MAPK4: variants seen among roughly 807,000 people sequenced by gnomAD.
MAPK4 encodes Erk3-related.
MAPK4 carries 22 observed loss-of-function variants against 47.7 expected under a neutral mutation model. The ratio of observed to expected loss-of-function variants is 0.46; its 90% CI spans 0.33 to 0.66. The LOEUF is 0.66. Among genes scored for constraint, MAPK4 ranks in the 30% least tolerant of loss-of-function variants. MAPK4 has a pLI of 0.02. For synonymous variants in MAPK4, 390 were observed against 365.7 expected, an observed-to-expected ratio of 1.07 and a Z score of -0.76; for missense variants, 736 against 831.7, an observed-to-expected ratio of 0.88 and a Z score of 1.42.
At position 50,687,994 on chromosome 18, in the gene MAPK4, A is replaced by G. The variant is rs572071199; in HGVS notation, c.546+23490A>G. ...CTGGGTACTGAGAACAGATGACTAA[A>G]CCCATTCCCTGCCCTCGGGGTCAGG... On this transcript the variant is annotated intron_variant, in intron 2 of 5. Transcript: ENST00000400384. Among the ~76,000 whole-genome samples, 4 of 151,950 alleles carry G rather than the reference A, an allele frequency of 2.6e-5. No individual in the cohort carries two copies. In the South Asian group the frequency reaches 8.3e-4, roughly 32 times the overall value.
intron 2 of MAPK4, among the ~76,000 whole-genome samples, chr18:50,675,610 G>C (rs1292570770): frequency 6.6e-6 from 1 of 152,198 alleles, no homozygotes. Context: ...TCCTGCCTCA[G>C]CTTCCCAAGT....
intron 2 of MAPK4, among the ~76,000 whole-genome samples, chr18:50,697,012 C>CA (rs1909550323): frequency 1.3e-5 from 2 of 152,018 alleles, no homozygotes; most frequent in South Asian, 4.2e-4. Flanking sequence ...GTGGCCAGAC[C>CA]AGCAGCATCA....
At chr18:50,641,790 A>G (rs761554495) in intron 1 of MAPK4, among the ~76,000 whole-genome samples, 2 of 152,224 alleles carry the variant, frequency 1.3e-5, no homozygotes, top group Non-Finnish European at 2.9e-5. Context: ...CAATGTTCTC[A>G]TTGTCTTTAT....
chr18:50,726,574 A>G (rs924865356), intron 5 of MAPK4, among the ~76,000 whole-genome samples: 1 of 152,164 alleles, frequency 6.6e-6, no homozygotes, highest in African/African-American at 2.4e-5. Context: ...ACAAAACGCT[A>G]TCTCATGTTT....
intron 1 of MAPK4, among the ~76,000 whole-genome samples, chr18:50,607,679 A>ATGTACCCATGTATT (rs1044301415): frequency 6.6e-6 from 1 of 152,226 alleles, no homozygotes; most frequent in African/African-American, 2.4e-5. Context: ...ACTCTCAGTC[A>ATGTACCCATGTATT]TGTACCCATG....
intron 1 of MAPK4, among the ~76,000 whole-genome samples, chr18:50,584,577 C>T (rs908180707): frequency 1.3e-5 from 2 of 152,142 alleles, no homozygotes; most frequent in African/African-American, 4.8e-5. Context: ...AGACTGTGTC[C>T]CCAACTCTTG....
intron 1 of MAPK4, among the ~76,000 whole-genome samples, chr18:50,614,649 T>A (rs2042668198): frequency 6.6e-6 from 1 of 152,176 alleles, no homozygotes; most frequent in Non-Finnish European, 1.5e-5. Context: ...AATTAAAAAT[T>A]TTAAAAAATC....
chr18:50,688,616 C>G (rs1909019049), intron 2 of MAPK4, among the ~76,000 whole-genome samples: 1 of 152,110 alleles, frequency 6.6e-6, no homozygotes, highest in Non-Finnish European at 1.5e-5. Context: ...GACTATTATT[C>G]TAAGTGAAGT....
At position 50,729,747 on chromosome 18, in the gene MAPK4, C is replaced by G. The variant is rs1727764088; in HGVS notation, c.1657C>G (p.Pro553Ala). ...ISRALKLCTKPEDLPDNKLGD... is the reference protein window; with the variant it reads ...ISRALKLCTKAEDLPDNKLGD... ...CCGCGCCCTGAAGCTCTGCACCAAG[C>G]CCGAGGACCTGCCGGACAATAAACT... The change falls in exon 6 of 6, where the codon CCC (proline) becomes GCC (alanine). Residue 553 changes from proline (P) to alanine (A), a missense_variant. Coordinates refer to ENST00000400384, the MANE Select transcript of MAPK4 (RefSeq NM_002747.4). The G allele has an allele frequency of 6.2e-7, 1 of 1,605,746 alleles. No individual in the cohort carries two copies. Among genetic ancestry groups the G allele is most frequent in the Admixed American group, 1.7e-5 (1 of 58,880 alleles).
At chr18:50,602,301 A>G (rs571773904) in intron 1 of MAPK4, among the ~76,000 whole-genome samples, 1 of 152,106 alleles carries the variant, frequency 6.6e-6, no homozygotes, top group Non-Finnish European at 1.5e-5. Flanking sequence ...CCTCCTCACA[A>G]CAAGGTCTAT....
chr18:50,640,872 G>A (rs1003447968), intron 1 of MAPK4, among the ~76,000 whole-genome samples: 18 of 152,174 alleles, frequency 1.2e-4, no homozygotes, highest in Non-Finnish European at 2.4e-4. Context: ...GGAAGGAGAG[G>A]AAGGGACAAC....
chr18:50,704,405 A>G lies in MAPK4; in HGVS notation c.547-10674A>G. 1.0e-5 allele frequency: 4 copies of G among 396,088 alleles called. No homozygotes were observed. In the Admixed American group the frequency reaches 1.8e-4, roughly 17 times the overall value. 24.5% of individuals were successfully genotyped at this position (396,088 alleles called of 1,614,324 possible). A position where few individuals can be genotyped will look rare whatever the true frequency, so the allele number is the denominator to read the frequency against. On this transcript the variant is annotated intron_variant, in intron 2 of 5. Coordinates refer to ENST00000400384, the MANE Select transcript of MAPK4 (RefSeq NM_002747.4). ...ATGCCTGTAGTCCCAACTACTTGGGAGGCAGGAGGATCACTTGAACCCAGA... is the reference window on the plus strand; with the variant it reads ...ATGCCTGTAGTCCCAACTACTTGGGGGGCAGGAGGATCACTTGAACCCAGA...
intron 2 of MAPK4, among the ~76,000 whole-genome samples, chr18:50,667,429 A>T (rs911435411): frequency 6.6e-6 from 1 of 152,212 alleles, no homozygotes; most frequent in African/African-American, 2.4e-5. Context: ...ACTCTCAGAA[A>T]AAGAGCACAT....
At chr18:50,701,011 T>G (rs1345559398) in intron 2 of MAPK4, among the ~76,000 whole-genome samples, 1 of 152,076 alleles carries the variant, frequency 6.6e-6, no homozygotes, top group Non-Finnish European at 1.5e-5. Context: ...ACGTGTTCCC[T>G]CCTCTAAGGA....
At chr18:50,653,076 C>G (rs978036134) in intron 1 of MAPK4, among the ~76,000 whole-genome samples, 24 of 152,070 alleles carry the variant, frequency 1.6e-4, no homozygotes, top group Non-Finnish European at 2.9e-4. Context: ...GTAGTCCTGG[C>G]TACTCAGGAG....
At chr18:50,645,580 GGATT>G (rs1381657537) in intron 1 of MAPK4, among the ~76,000 whole-genome samples, 4 of 152,150 alleles carry the variant, frequency 2.6e-5, no homozygotes, top group African/African-American at 7.2e-5. Context: ...CCTACTTATG[GGATT>G]CCTGTTCTGA....
At chr18:50,621,263 C>T (rs2042729286) in intron 1 of MAPK4, among the ~76,000 whole-genome samples, 1 of 152,142 alleles carries the variant, frequency 6.6e-6, no homozygotes, top group Non-Finnish European at 1.5e-5. Context: ...AGATGCTTGG[C>T]CTGCAGCTCT....
intron 3 of MAPK4, among the ~76,000 whole-genome samples, chr18:50,720,129 A>C (rs565902451): frequency 6.6e-6 from 1 of 152,134 alleles, no homozygotes; most frequent in African/African-American, 2.4e-5. Context: ...TCCCATTTTC[A>C]GTGGTGGCTT....
At chr18:50,595,988 T>C (rs1341525113) in intron 1 of MAPK4, among the ~76,000 whole-genome samples, 2 of 152,142 alleles carry the variant, frequency 1.3e-5, no homozygotes, top group Non-Finnish European at 2.9e-5. Context: ...TATGCAGGCC[T>C]TGAAGGAATG....
Sources: allele counts gnomAD v4.1 joint callset (sites outside exome capture counted in the v4.1 genomes callset), GRCh38; gene constraint gnomAD v4.1.1; transcripts MANE v1.5; gene names NCBI Gene and HGNC (gene_info 2026-07-23, HGNC 2026-07-21).